The following LMNTD1 variants were observed in gnomAD, a reference collection of about 807,000 sequenced individuals.
The protein encoded by LMNTD1 is lamin tail domain containing 1.
In LMNTD1, 35 loss-of-function variants were observed where a neutral mutation model predicts 50.9. The observed-to-expected ratio is 0.69, with a 90% CI of 0.53 to 0.91. LMNTD1 has a LOEUF of 0.91. LMNTD1 is among the 40% of genes least tolerant of loss of function. The pLI, the probability that LMNTD1 is intolerant of heterozygous loss-of-function variation, is 0.00. For missense variants in LMNTD1, 470 were observed against 475.5 expected (o/e 0.99, Z 0.11); for synonymous variants, 153 against 161.9 (o/e 0.94, Z 0.42).
chr12:25,505,723 A>G (rs1353143183), intron 8 of LMNTD1, among the ~76,000 whole-genome samples: 2 of 152,116 alleles, frequency 1.3e-5, no homozygotes, highest in Non-Finnish European at 2.9e-5. Context: ...ATTGTTTTCT[A>G]CTCAGTCTGA....
chr12:25,648,423 G>A, intron 1 of LMNTD1: 1 of 1,203,454 alleles, frequency 8.3e-7, no homozygotes, highest in Non-Finnish European at 1.2e-6. Context: ...TCAGGTGTTA[G>A]TATAAAAAGG....
intron 1 of LMNTD1, among the ~76,000 whole-genome samples, chr12:25,599,457 C>G (rs947467679): frequency 6.6e-6 from 1 of 151,866 alleles, no homozygotes; most frequent in Non-Finnish European, 1.5e-5. Flanking sequence ...CTAGAGCAAT[C>G]AGATAAGAGA....
At chr12:25,498,584 G>A (rs925328810) in intron 9 of LMNTD1, among the ~76,000 whole-genome samples, 2 of 152,146 alleles carry the variant, frequency 1.3e-5, no homozygotes, top group Admixed American at 6.5e-5. Flanking sequence ...TGATAGTTGG[G>A]TTGGATATAA....
chr12:25,602,162 T>C (rs1945994850), intron 1 of LMNTD1, among the ~76,000 whole-genome samples: 1 of 151,918 alleles, frequency 6.6e-6, no homozygotes, highest in East Asian at 1.9e-4. Context: ...TAATTTAGTA[T>C]CTTTTAGCCT....
intron 1 of LMNTD1, among the ~76,000 whole-genome samples, chr12:25,637,575 G>GA (rs1036547047): frequency 1.3e-5 from 2 of 151,444 alleles, no homozygotes; most frequent in Non-Finnish European, 1.5e-5. Flanking sequence ...AGAACAAAGA[G>GA]AAAAAAAATG....
intron 1 of LMNTD1, among the ~76,000 whole-genome samples, chr12:25,600,907 A>C (rs1945953085): frequency 6.6e-6 from 1 of 151,950 alleles, no homozygotes. Context: ...TCAAGAAAAC[A>C]AAAATAGACC....
chr12:25,498,881 T>C (rs181229077), intron 9 of LMNTD1, among the ~76,000 whole-genome samples: 2 of 152,290 alleles, frequency 1.3e-5, no homozygotes, highest in African/African-American at 4.8e-5. Context: ...TGGATATTAT[T>C]GTCCTGAGCA....
intron 4 of LMNTD1, among the ~76,000 whole-genome samples, chr12:25,531,577 T>G (rs1942227292): frequency 6.6e-6 from 1 of 152,236 alleles, no homozygotes; most frequent in Non-Finnish European, 1.5e-5. Flanking sequence ...AAAAAGTGTT[T>G]TTGTTTTTGT....
chr12:25,644,314 A>C (rs985040225), intron 1 of LMNTD1, among the ~76,000 whole-genome samples: 1 of 23,336 alleles, frequency 4.3e-5, no homozygotes, highest in Non-Finnish European at 1.2e-4. Context: ...CTTTCTCTAC[A>C]AAAAAAAAAA....
intron 9 of LMNTD1, among the ~76,000 whole-genome samples, chr12:25,500,664 C>CT (rs1223339583): frequency 1.3e-5 from 2 of 152,090 alleles, no homozygotes; most frequent in Non-Finnish European, 2.9e-5. Context: ...CATTTTTATA[C>CT]TTTTTTTGAG....
intron 1 of LMNTD1, among the ~76,000 whole-genome samples, chr12:25,615,069 G>A (rs571411544): frequency 1.1e-4 from 17 of 152,272 alleles, no homozygotes; most frequent in African/African-American, 2.9e-4. Context: ...GGGAAAGGAC[G>A]TCAACCGATA....
At chr12:25,487,403 T>C (rs1938689571) in intron 9 of LMNTD1, among the ~76,000 whole-genome samples, 1 of 134,112 alleles carries the variant, frequency 7.5e-6, no homozygotes, top group Admixed American at 8.0e-5. Context: ...CTTCTTTGTC[T>C]CTTTTGATCT....
At chr12:25,560,636 A>G (rs10771228) in intron 1 of LMNTD1, among the ~76,000 whole-genome samples, 114,768 of 152,048 alleles carry the variant, frequency 0.75, 45,173 homozygotes, top group Non-Finnish European at 0.89. Flanking sequence ...ACCTTGGGGG[A>G]TATAGCCATT....
intron 1 of LMNTD1, among the ~76,000 whole-genome samples, chr12:25,616,191 G>C (rs1265799264): frequency 1.3e-5 from 2 of 152,034 alleles, no homozygotes; most frequent in African/African-American, 2.4e-5. Context: ...TAACATAGCT[G>C]ACTATTTTTA....
At chr12:25,512,916 C>T (rs1281255691) in intron 8 of LMNTD1, among the ~76,000 whole-genome samples, 2 of 151,848 alleles carry the variant, frequency 1.3e-5, no homozygotes, top group African/African-American at 2.4e-5. Context: ...ACATCAGAAA[C>T]ATTTATTGCC....
At chr12:25,554,842 T>C (rs932327675), upstream of LMNTD1, among the ~76,000 whole-genome samples, 1 of 152,082 alleles carries the variant, frequency 6.6e-6, no homozygotes, top group African/African-American at 2.4e-5. Flanking sequence ...AGGGAGTGAA[T>C]TACTTGAGGT....
intron 1 of LMNTD1, among the ~76,000 whole-genome samples, chr12:25,566,588 A>G (rs116719881): frequency 6.6e-6 from 1 of 152,242 alleles, no homozygotes; most frequent in African/African-American, 2.4e-5. Context: ...CATGAGCTCT[A>G]TCAATGGCTT....
intron 6 of LMNTD1, 23 bp from the exon 7 acceptor site, chr12:25,520,098 G>A: frequency 3.4e-6 from 5 of 1,454,290 alleles, no homozygotes; most frequent in Admixed American, 1.8e-5. Flanking sequence ...ATTTATTAAT[G>A]TTGGCTATGT....
intron 4 of LMNTD1, among the ~76,000 whole-genome samples, chr12:25,539,320 G>A (rs1274069291): frequency 1.3e-5 from 2 of 151,840 alleles, no homozygotes; most frequent in African/African-American, 4.9e-5. Context: ...CCACATACTT[G>A]GAAGTAAAGC....
Sources: allele counts gnomAD v4.1 joint callset (sites outside exome capture counted in the v4.1 genomes callset), GRCh38; gene constraint gnomAD v4.1.1; transcripts MANE v1.5; gene names NCBI Gene and HGNC (gene_info 2026-07-23, HGNC 2026-07-21).